Variants in TNKS observed in about 807,000 individuals in gnomAD.
The protein encoded by TNKS is poly [ADP-ribose] polymerase tankyrase-1.
TNKS carries 72 observed loss-of-function variants against 135.8 expected under a neutral mutation model. The ratio of observed to expected loss-of-function variants is 0.53; its 90% CI spans 0.44 to 0.64. TNKS has a LOEUF of 0.64. Among genes scored for constraint, TNKS ranks in the 30% least tolerant of loss-of-function variants. The pLI is 0.00. For synonymous variants in TNKS, 849 were observed against 649.3 expected, an observed-to-expected ratio of 1.31 and a Z score of -4.68; for missense variants, 1,769 against 1,674.0, an observed-to-expected ratio of 1.06 and a Z score of -0.99.
intron 3 of TNKS, among the ~76,000 whole-genome samples, chr8:9,626,854 G>A (rs1800075668): frequency 6.6e-6 from 1 of 152,152 alleles, no homozygotes. Flanking sequence ...TGTGTTTTTG[G>A]TCTTCAACCA....
intron 2 of TNKS, among the ~76,000 whole-genome samples, chr8:9,598,931 C>G (rs1471616792): frequency 2.6e-5 from 4 of 150,992 alleles, no homozygotes; most frequent in African/African-American, 7.3e-5. Context: ...GAAAGATTCA[C>G]AAACACTGAT....
At chr8:9,620,902 C>G (rs1799842918) in intron 3 of TNKS, among the ~76,000 whole-genome samples, 2 of 152,134 alleles carry the variant, frequency 1.3e-5, no homozygotes, top group Non-Finnish European at 2.9e-5. Flanking sequence ...GGACTTTTGT[C>G]TGTCTTGTTT....
chr8:9,580,072 A>C (rs1207519740), intron 1 of TNKS, 87 bp from the exon 2 acceptor site: 1 of 1,128,438 alleles, frequency 8.9e-7, no homozygotes, highest in African/African-American at 1.5e-5. Context: ...TCAGTTGTTC[A>C]TACTTGTTGA....
At chr8:9,767,407 C>T (rs1230144852) in intron 25 of TNKS, among the ~76,000 whole-genome samples, 1 of 152,056 alleles carries the variant, frequency 6.6e-6, no homozygotes, top group Non-Finnish European at 1.5e-5. Flanking sequence ...ACTTACTTAC[C>T]AAATGCATTC....
At chr8:9,727,679 C>G (rs547878668) in intron 13 of TNKS, among the ~76,000 whole-genome samples, 125 of 152,294 alleles carry the variant, frequency 8.2e-4, no homozygotes, top group African/African-American at 2.8e-3. Context: ...CTTAAGCAAA[C>G]TTTTTGCGAT....
In TNKS at chr8:9,580,494, G is replaced by A. The variant is rs373352275; in HGVS notation, c.898+111G>A. 192 of 894,244 alleles carry A rather than the reference G, an allele frequency of 2.1e-4. No individual in the cohort carries two copies. In the African/African-American group the frequency reaches 2.8e-3, roughly 13 times the overall value. The allele number at this position is 894,244 out of a possible 1,614,324, so 55.4% of individuals were successfully genotyped here. On this transcript the variant is annotated intron_variant, in intron 2 of 26. Coordinates refer to ENST00000310430, the MANE Select transcript of TNKS (RefSeq NM_003747.3). ...GGTAAGGAAGGGTTTATTGCTTCTTGTAGAAGCAGTTCTTTTCCATCAAAA... is the reference window on the plus strand; with the variant it reads ...GGTAAGGAAGGGTTTATTGCTTCTTATAGAAGCAGTTCTTTTCCATCAAAA...
intron 3 of TNKS, among the ~76,000 whole-genome samples, chr8:9,623,119 C>T (rs4373520): frequency 0.97 from 148,246 of 152,284 alleles, 72,271 homozygotes; most frequent in East Asian, 1. Flanking sequence ...TGTGGTTGAC[C>T]GGGGGTAACT....
At chr8:9,587,504 A>C (rs1798429711) in intron 2 of TNKS, among the ~76,000 whole-genome samples, 1 of 150,084 alleles carries the variant, frequency 6.7e-6, no homozygotes, top group African/African-American at 2.5e-5. Context: ...GGTTCACGCC[A>C]TTCTCCTGCC....
Position 9,615,556 on chromosome 8 carries a change from A to T in TNKS, c.899-26A>T, listed in dbSNP as rs747381143. On this transcript the variant is annotated intron_variant, in intron 2 of 26. Transcript: ENST00000310430. Reference sequence around the variant, plus strand: ...ATAATCTCTGTATCCCCGAGGTAAGATACTGTTTCTGCTTTCCCTGCACAG... The same window carrying T: ...ATAATCTCTGTATCCCCGAGGTAAGTTACTGTTTCTGCTTTCCCTGCACAG... The T allele has an allele frequency of 3.8e-6, 6 of 1,592,886 alleles. No homozygotes were observed. The Admixed American group carries it at 1.0e-4, about 27-fold the overall frequency.
intron 18 of TNKS, among the ~76,000 whole-genome samples, chr8:9,750,184 C>T (rs914537049): frequency 1.8e-4 from 27 of 152,220 alleles, no homozygotes; most frequent in South Asian, 8.3e-4. Flanking sequence ...TATATCTGTA[C>T]CTCTAGTTGA....
At position 9,778,237 on chromosome 8, in the gene TNKS, G is replaced by A. The variant is rs1808313820; in HGVS notation, c.*1501G>A. 6.6e-6 allele frequency: 1 copy of A among 152,378 alleles called. No individual in the cohort carries two copies. Among genetic ancestry groups the A allele is most frequent in the African/African-American group, 2.4e-5 (1 of 41,398 alleles). The allele number at this position is 152,378 out of a possible 1,614,324, so 9.4% of individuals were successfully genotyped here. On this transcript the variant is annotated 3_prime_UTR_variant, in exon 27 of 27. Transcript: ENST00000310430. ...CACTAACTTATTTACTTGATATACT[G>A]TGCATCTACTCTGCTTTGAAGCGAA...
In TNKS at chr8:9,634,304, C is replaced by T. The variant is rs561031914; in HGVS notation, c.994+18627C>T. Among the ~76,000 whole-genome samples the T allele has an allele frequency of 7.6e-4, 116 of 152,030 alleles. 1 individual carries two copies. The highest frequency in any genetic ancestry group is 1.7e-3 in the South Asian group (8 of 4,810). On this transcript the variant is annotated intron_variant, in intron 3 of 26. Coordinates refer to ENST00000310430, the MANE Select transcript of TNKS (RefSeq NM_003747.3). ...AATTAAATTGAAGATGGGGGAAAAA[C>T]ACCTAAAATTTGAATGTAAGCAGAA...
chr8:9,712,800 A>C (rs1364227868), intron 11 of TNKS, among the ~76,000 whole-genome samples: 2 of 152,074 alleles, frequency 1.3e-5, no homozygotes, highest in Admixed American at 1.3e-4. Context: ...TGAGGTGGGA[A>C]AATCACTTGA....
At chr8:9,752,723 T>C in intron 20 of TNKS, 97 bp downstream of exon 20, 2 of 766,150 alleles carry the variant, frequency 2.6e-6, no homozygotes, top group South Asian at 2.1e-5. Flanking sequence ...TTTGGAATGC[T>C]TCGGCAGGAT....
At position 9,706,213 on chromosome 8, in the gene TNKS, G is replaced by C; in HGVS notation, c.1229G>C (p.Cys410Ser). ...GGACTTGTGCCTCTTCATAATGCATGTTCATATGGACATTATGAAGTCACA... is the reference window on the plus strand; with the variant it reads ...GGACTTGTGCCTCTTCATAATGCATCTTCATATGGACATTATGAAGTCACA... ...KGGLVPLHNACSYGHYEVTEL... is the reference protein window; with the variant it reads ...KGGLVPLHNASSYGHYEVTEL... Residue 410 changes from cysteine (C) to serine (S), a missense_variant, in exon 7 of 27, where the codon TGT (cysteine) becomes TCT (serine). Transcript: ENST00000310430. 1.3e-6 allele frequency: 2 copies of C among 1,576,272 alleles called. No individual in the cohort carries two copies. Among genetic ancestry groups the C allele is most frequent in the Non-Finnish European group, 1.7e-6 (2 of 1,165,512 alleles).
At chr8:9,663,849 C>T (rs1380765409) in intron 3 of TNKS, among the ~76,000 whole-genome samples, 1 of 152,196 alleles carries the variant, frequency 6.6e-6, no homozygotes, top group African/African-American at 2.4e-5. Context: ...CCCAGTGCTC[C>T]ACCTTCCTAG....
intron 7 of TNKS, 25 bp downstream of exon 7, chr8:9,706,278 C>T: frequency 6.8e-7 from 1 of 1,465,334 alleles, no homozygotes. Context: ...GAATATTGAG[C>T]ATCATTTACT....
intron 11 of TNKS, 84 bp downstream of exon 11, chr8:9,710,304 T>C: frequency 7.6e-7 from 1 of 1,307,954 alleles, no homozygotes; most frequent in East Asian, 2.3e-5. Flanking sequence ...CTCCGATTTT[T>C]CTGAAGAAAC....
At chr8:9,595,429 C>G (rs557812924) in intron 2 of TNKS, among the ~76,000 whole-genome samples, 1 of 152,036 alleles carries the variant, frequency 6.6e-6, no homozygotes, top group African/African-American at 2.4e-5. Flanking sequence ...GTACTCTTAA[C>G]GTTGATGACT....
Sources: gnomAD v4.1 joint callset for allele counts (sites outside exome capture counted in the v4.1 genomes callset) on GRCh38, gnomAD v4.1.1 for gene constraint, MANE v1.5 for transcripts, NCBI Gene and HGNC (gene_info 2026-07-23, HGNC 2026-07-21) for gene names.